Variants in MAP6 observed in about 807,000 individuals in gnomAD.
The protein encoded by MAP6 is microtubule associated protein 6.
In MAP6, 26 loss-of-function variants were observed where a neutral mutation model predicts 42.4. The observed-to-expected ratio is 0.61, with a 90% CI of 0.45 to 0.85. The LOEUF (loss-of-function observed/expected upper bound fraction) is 0.85, where lower values mean the gene tolerates loss of function less well. Ranked by LOEUF, MAP6 falls within the 40% of genes least tolerant of loss-of-function variation. The pLI is 0.00. For missense variants in MAP6, 966 were observed against 1,099.0 expected (o/e 0.88, Z 1.71); for synonymous variants, 418 against 443.8 (o/e 0.94, Z 0.73).
At chr11:75,660,960 G>A (rs1166597401) in intron 1 of MAP6, among the ~76,000 whole-genome samples, 1 of 149,654 alleles carries the variant, frequency 6.7e-6, no homozygotes, top group African/African-American at 2.5e-5. Context: ...ATCTGAACAA[G>A]ACTAATCCTG....
Position 75,668,475 on chromosome 11 carries a change from C to G in MAP6, c.-106G>C. ...CCTGACCGGCCAATGTGGTTCCCAC[C>G]GTTTTCTACCCCCGATCAGCCGGAG... is the stretch of plus-strand genomic sequence containing the variant. On this transcript the variant is annotated 5_prime_UTR_variant, in exon 1 of 4. Transcript: ENST00000304771. 1 of 1,380,298 alleles carries G rather than the reference C, an allele frequency of 7.2e-7. No homozygotes were observed. 85.5% of individuals were successfully genotyped at this position (1,380,298 alleles called of 1,614,324 possible).
At chr11:75,666,301 C>G (rs1281177003) in intron 1 of MAP6, among the ~76,000 whole-genome samples, 1 of 152,040 alleles carries the variant, frequency 6.6e-6, no homozygotes, top group Non-Finnish European at 1.5e-5. Flanking sequence ...GAAAGCTAAG[C>G]CTTCAGAAAT....
At chr11:75,634,341 A>G (rs985465462) in intron 1 of MAP6, among the ~76,000 whole-genome samples, 1 of 152,216 alleles carries the variant, frequency 6.6e-6, no homozygotes, top group African/African-American at 2.4e-5. Flanking sequence ...CCAGGGCGTG[A>G]TCTTGGCTCA....
Position 75,618,905 on chromosome 11 carries a change from G to A in MAP6, c.906-10583C>T, listed in dbSNP as rs576903011. 6.6e-5 allele frequency among the ~76,000 whole-genome samples: 10 copies of A among 152,308 alleles called. No homozygotes were observed. The South Asian group carries it at 1.2e-3, about 19-fold the overall frequency. On this transcript the variant is annotated intron_variant, in intron 1 of 3. Coordinates refer to ENST00000304771, the MANE Select transcript of MAP6 (RefSeq NM_033063.2). ...CCCTGGGACCCCTCGGCCACTGCCC[G>A]ATTCGTGAGCCTTCTCTGTTTCTGG...
intron 1 of MAP6, among the ~76,000 whole-genome samples, chr11:75,663,759 G>A (rs185537550): frequency 5.3e-5 from 8 of 152,338 alleles, no homozygotes; most frequent in Non-Finnish European, 1.2e-4. Flanking sequence ...TTAGGGAAAT[G>A]GGCAGTTAGG....
intron 3 of MAP6, chr11:75,594,010 A>G (rs1024291556): frequency 6.6e-6 from 1 of 152,234 alleles, no homozygotes; most frequent in African/African-American, 2.4e-5. Context: ...GTGAATGCTC[A>G]TGGCATGGCC....
At chr11:75,605,765 GGA>G (rs144322716) in intron 3 of MAP6, 41 bp downstream of exon 3, 37 of 1,580,018 alleles carry the variant, frequency 2.3e-5, no homozygotes, top group African/African-American at 8.1e-5. Flanking sequence ...TTGGGGGGAG[GGA>G]GAGAGAGAGA....
chr11:75,645,702 AAAC>A (rs1183540082), intron 1 of MAP6, among the ~76,000 whole-genome samples: 1 of 152,226 alleles, frequency 6.6e-6, no homozygotes, highest in African/African-American at 2.4e-5. Context: ...AAACATAGTG[AAAC>A]AATAGGACAT....
At chr11:75,656,551 G>A (rs770227586) in intron 1 of MAP6, among the ~76,000 whole-genome samples, 2 of 152,144 alleles carry the variant, frequency 1.3e-5, no homozygotes, top group African/African-American at 4.8e-5. Context: ...GACAGGAGAG[G>A]CAAGCACAGA....
intron 3 of MAP6, chr11:75,603,906 C>T (rs1240985274): frequency 2.0e-6 from 2 of 985,388 alleles, no homozygotes; most frequent in African/African-American, 3.5e-5. Flanking sequence ...AATGCCAAAT[C>T]TTGAGAGACT....
chr11:75,648,143 A>G (rs1266543469), intron 1 of MAP6, among the ~76,000 whole-genome samples: 2 of 152,240 alleles, frequency 1.3e-5, no homozygotes, highest in African/African-American at 4.8e-5. Flanking sequence ...CTCACACTAT[A>G]CACAAAATTG....
chr11:75,608,061 C>T (rs1258990179), intron 2 of MAP6, 48 bp downstream of exon 2: 1 of 1,580,426 alleles, frequency 6.3e-7, no homozygotes, highest in South Asian at 1.1e-5. Context: ...TGCAGTTAAC[C>T]CTTATGGTCC....
chr11:75,605,279 G>A (rs1358814826), intron 3 of MAP6: 12 of 986,294 alleles, frequency 1.2e-5, no homozygotes, highest in Non-Finnish European at 1.3e-5. Context: ...TTGACATTAA[G>A]GCCAAGGTTG....
rs570835921 is a variant in MAP6 at position 75,605,690 on chromosome 11, G to A, written c.1316+118C>T. The A allele has an allele frequency of 5.3e-6, 8 of 1,508,118 alleles. No homozygotes were observed. The South Asian group carries it at 5.5e-5, about 10-fold the overall frequency. The allele number at this position is 1,508,118 out of a possible 1,614,324, so 93.4% of individuals were successfully genotyped here. A position where few individuals can be genotyped will look rare whatever the true frequency, so the allele number is the denominator to read the frequency against. ...GAGCTCCTGGAACACTCAGGACCAAGGCAGATGAGAAGCCTCTAATTAATT... is the reference window on the plus strand; with the variant it reads ...GAGCTCCTGGAACACTCAGGACCAAAGCAGATGAGAAGCCTCTAATTAATT... On this transcript the variant is annotated intron_variant, in intron 3 of 3. Coordinates refer to ENST00000304771, the MANE Select transcript of MAP6 (RefSeq NM_033063.2).
intron 3 of MAP6, among the ~76,000 whole-genome samples, chr11:75,602,618 C>T (rs1048814645): frequency 1.3e-5 from 2 of 152,216 alleles, no homozygotes; most frequent in Admixed American, 1.3e-4. Flanking sequence ...AACATTGGAT[C>T]AAAATGTTAC....
In MAP6 at chr11:75,668,571, T is replaced by C; in HGVS notation, c.-202A>G. On this transcript the variant is annotated 5_prime_UTR_variant, in exon 1 of 4. Coordinates refer to ENST00000304771, the MANE Select transcript of MAP6 (RefSeq NM_033063.2). ...TAGGAGAGTCTGTAGAGTCCCTCGA[T>C]TACCGGTCGCAAACGCCTTTGGGAG... 1.7e-6 allele frequency: 1 copy of C among 604,728 alleles called. No individual in the cohort carries two copies. Among genetic ancestry groups the C allele is most frequent in the East Asian group, 3.8e-5 (1 of 26,302 alleles). The allele number at this position is 604,728 out of a possible 1,614,324, so 37.5% of individuals were successfully genotyped here.
chr11:75,662,853 T>G (rs1474922018), intron 1 of MAP6, among the ~76,000 whole-genome samples: 1 of 152,174 alleles, frequency 6.6e-6, no homozygotes, highest in Non-Finnish European at 1.5e-5. Context: ...GTAGCCAAGG[T>G]TGAGGACTGC....
intron 1 of MAP6, among the ~76,000 whole-genome samples, chr11:75,627,069 G>C (rs562039325): frequency 6.6e-6 from 1 of 152,358 alleles, no homozygotes; most frequent in African/African-American, 2.4e-5. Context: ...TTTTGGAGCA[G>C]AGCCAAACTG....
At chr11:75,635,911 C>G (rs1943361111) in intron 1 of MAP6, 2 of 152,230 alleles carry the variant, frequency 1.3e-5, no homozygotes, top group Admixed American at 6.5e-5. Context: ...AATAAGTACA[C>G]AAAACCTCTT....
Sources: allele counts gnomAD v4.1 joint callset (sites outside exome capture counted in the v4.1 genomes callset), GRCh38; gene constraint gnomAD v4.1.1; transcripts MANE v1.5; gene names NCBI Gene and HGNC (gene_info 2026-07-23, HGNC 2026-07-21).